The following TBC1D14 variants were observed in gnomAD, a reference collection of about 807,000 sequenced individuals.
The protein encoded by TBC1D14 is TBC1 domain family member 14.
In TBC1D14, 26 loss-of-function variants were observed where a neutral mutation model predicts 79.0. That is an observed-to-expected ratio of 0.33 (90% confidence interval 0.24 to 0.46). The LOEUF (loss-of-function observed/expected upper bound fraction) is 0.46, where lower values mean the gene tolerates loss of function less well. Ranked by LOEUF, TBC1D14 falls within the 20% of genes least tolerant of loss-of-function variation. The pLI is 1.00. For synonymous variants in TBC1D14, 394 were observed against 349.9 expected (o/e 1.13, Z -1.40); for missense variants, 769 against 887.6 (o/e 0.87, Z 1.70).
chr4:7,018,420 A>G (rs1177335183), intron 12 of TBC1D14, among the ~76,000 whole-genome samples: 1 of 152,012 alleles, frequency 6.6e-6, no homozygotes, highest in Non-Finnish European at 1.5e-5. Flanking sequence ...CTGCCCACCA[A>G]ACCTGCTCCC....
At chr4:6,946,158 A>C (rs1207353945) in intron 2 of TBC1D14, among the ~76,000 whole-genome samples, 1 of 152,168 alleles carries the variant, frequency 6.6e-6, no homozygotes, top group African/African-American at 2.4e-5. Context: ...ATTTCCGGTC[A>C]TCAGGAACTA....
intron 2 of TBC1D14, among the ~76,000 whole-genome samples, chr4:6,951,582 C>T (rs1030085805): frequency 1.3e-5 from 2 of 152,212 alleles, no homozygotes; most frequent in African/African-American, 2.4e-5. Context: ...CTCACCTACA[C>T]CCCCTCCCTC....
chr4:7,024,908 AGGGG>A, intron 12 of TBC1D14, 92 bp from the exon 13 acceptor site: 1 of 1,526,626 alleles, frequency 6.6e-7, no homozygotes, highest in Non-Finnish European at 8.9e-7. Flanking sequence ...GAAAGTGACT[AGGGG>A]AGTGTTTTTC....
At chr4:6,999,934 A>C (rs972391548) in intron 6 of TBC1D14, among the ~76,000 whole-genome samples, 10 of 152,012 alleles carry the variant, frequency 6.6e-5, no homozygotes, top group Non-Finnish European at 1.5e-4. Flanking sequence ...TCGTGTTCAG[A>C]ACGGTGGGGG....
At chr4:6,953,488 G>A (rs1263544526) in intron 2 of TBC1D14, among the ~76,000 whole-genome samples, 2 of 144,838 alleles carry the variant, frequency 1.4e-5, no homozygotes, top group African/African-American at 2.5e-5. Context: ...AAAATTAGCC[G>A]GGCGAGGTGG....
chr4:7,004,113 T>C (rs922541870), intron 7 of TBC1D14, among the ~76,000 whole-genome samples: 5 of 152,174 alleles, frequency 3.3e-5, no homozygotes, highest in African/African-American at 9.7e-5. Flanking sequence ...TTCACACTTG[T>C]CCTTGAAAGA....
Position 6,923,609 on chromosome 4 carries a change from G to A in TBC1D14, c.220G>A (p.Gly74Arg), listed in dbSNP as rs773530418. The A allele has an allele frequency of 4.3e-6, 7 of 1,613,852 alleles. No individual in the cohort carries two copies. Among genetic ancestry groups the A allele is most frequent in the South Asian group, 2.2e-5 (2 of 91,080 alleles). Residue 74 changes from glycine (G) to arginine (R), a missense_variant, in exon 2 of 14, where the codon GGG becomes AGG. This residue lies in a region of TBC1D14 where 402 missense variants were observed against 393.2 expected (regional missense o/e 1.02). Coordinates refer to ENST00000409757, the MANE Select transcript of TBC1D14 (RefSeq NM_020773.3). Reference protein sequence around the residue: ...VDSGIPTLEIGNPEPVPCSAV... With the variant: ...VDSGIPTLEIRNPEPVPCSAV... ...CTCGGGGATTCCTACCCTGGAGATC[G>A]GGAACCCGGAGCCTGTACCCTGCAG...
chr4:6,960,282 A>G (rs1209992238), intron 2 of TBC1D14, among the ~76,000 whole-genome samples: 1 of 150,770 alleles, frequency 6.6e-6, no homozygotes, highest in East Asian at 2.0e-4. Flanking sequence ...TGTAGAGACA[A>G]GGTTTTGCCA....
intron 3 of TBC1D14, among the ~76,000 whole-genome samples, chr4:6,987,751 G>A (rs1163384585): frequency 6.6e-6 from 1 of 152,228 alleles, no homozygotes; most frequent in Non-Finnish European, 1.5e-5. Context: ...TTTGTATGGA[G>A]ATGAGACTGC....
intron 1 of TBC1D14, among the ~76,000 whole-genome samples, chr4:6,915,382 C>T (rs939856522): frequency 2.6e-5 from 4 of 152,118 alleles, no homozygotes; most frequent in African/African-American, 9.7e-5. Context: ...ACCTGCTCAG[C>T]CCAGTTTTGT....
chr4:7,011,871 T>A (rs1051066033), intron 11 of TBC1D14, among the ~76,000 whole-genome samples: 3 of 151,990 alleles, frequency 2.0e-5, no homozygotes, highest in African/African-American at 7.2e-5. Flanking sequence ...ACTGTCTGAT[T>A]TGCTGATAAT....
At chr4:6,984,677 T>C (rs562824325) in intron 3 of TBC1D14, among the ~76,000 whole-genome samples, 1 of 152,330 alleles carries the variant, frequency 6.6e-6, no homozygotes, top group South Asian at 2.1e-4. Context: ...CTCCCAGGCC[T>C]TTCTCTGAGA....
intron 2 of TBC1D14, among the ~76,000 whole-genome samples, chr4:6,944,884 C>A (rs985289820): frequency 5.3e-5 from 8 of 152,192 alleles, no homozygotes; most frequent in Non-Finnish European, 1.0e-4. Flanking sequence ...GCTCCTCTCC[C>A]GTCTCCTCTG....
chr4:7,020,301 C>A (rs1160779199), intron 12 of TBC1D14, among the ~76,000 whole-genome samples: 1 of 152,236 alleles, frequency 6.6e-6, no homozygotes, highest in Non-Finnish European at 1.5e-5. Context: ...TCTTAAGTAA[C>A]CATCTCCAAC....
chr4:6,929,379 G>A (rs557229123), intron 2 of TBC1D14, among the ~76,000 whole-genome samples: 2 of 152,336 alleles, frequency 1.3e-5, no homozygotes, highest in East Asian at 1.9e-4. Context: ...GAGGCCACTG[G>A]GTCAGTCCCT....
At position 6,923,587 on chromosome 4, in the gene TBC1D14, G is replaced by A. The variant is rs138681879; in HGVS notation, c.198G>A (p.Ser66=). 67 of 1,614,034 alleles carry A rather than the reference G, an allele frequency of 4.2e-5. No individual in the cohort carries two copies. Among genetic ancestry groups the A allele is most frequent in the South Asian group, 3.3e-5 (3 of 91,084 alleles). ...GGCACAGCCTCCAGTCCGTGGACTC[G>A]GGGATTCCTACCCTGGAGATCGGGA... ...EDRHSLQSVD[S]GIPTLEIGNP... The change falls in exon 2 of 14, where the codon TCG becomes TCA. Residue 66 remains serine (S), a synonymous_variant. Transcript: ENST00000409757.
chr4:6,919,350 T>A (rs1185155517), intron 1 of TBC1D14, among the ~76,000 whole-genome samples: 1 of 152,040 alleles, frequency 6.6e-6, no homozygotes, highest in African/African-American at 2.4e-5. Flanking sequence ...TTCACCATGT[T>A]GGTCAGGCTG....
intron 3 of TBC1D14, among the ~76,000 whole-genome samples, chr4:6,990,033 T>C (rs1718327402): frequency 6.6e-6 from 1 of 152,248 alleles, no homozygotes; most frequent in African/African-American, 2.4e-5. Context: ...CTGACATAAC[T>C]AAGTGTAAAG....
At chr4:6,960,687 A>T (rs555748033) in intron 2 of TBC1D14, among the ~76,000 whole-genome samples, 3 of 152,136 alleles carry the variant, frequency 2.0e-5, no homozygotes, top group Non-Finnish European at 4.4e-5. Flanking sequence ...GATGAGCTGC[A>T]CCTTTGGCGT....
Sources: allele counts gnomAD v4.1 joint callset (sites outside exome capture counted in the v4.1 genomes callset), GRCh38; gene constraint gnomAD v4.1.1; regional missense constraint gnomAD v4.1.1; transcripts MANE v1.5; gene names NCBI Gene and HGNC (gene_info 2026-07-23, HGNC 2026-07-21).